The following SLC6A15 variants were observed in gnomAD, a reference collection of about 807,000 sequenced individuals.
SLC6A15 encodes sodium-dependent neutral amino acid transporter B(0)AT2.
SLC6A15 carries 33 observed loss-of-function variants against 68.5 expected under a neutral mutation model. The ratio of observed to expected loss-of-function variants is 0.48; its 90% CI spans 0.37 to 0.64. SLC6A15 has a LOEUF of 0.64. Ranked by LOEUF, SLC6A15 falls within the 30% of genes least tolerant of loss-of-function variation. SLC6A15 has a pLI of 0.00. For missense variants in SLC6A15, 747 were observed against 874.3 expected (o/e 0.85, Z 1.84); for synonymous variants, 347 against 301.0 (o/e 1.15, Z -1.58).
Position 84,870,478 on chromosome 12 carries a change from C to T in SLC6A15, c.1495G>A (p.Val499Ile). The part of the protein sequence containing the change: ...TFKVRKEILT[V>I]ICCLLAFCIG... ...GAAAAGTCAAATACAAAAAACTCAC[C>T]AGTAAGAATTTCTTTCCTCACTTTG... Residue 499 changes from valine (V) to isoleucine (I), a missense_variant and splice_region_variant, in exon 9 of 12, where the codon GTT (valine) becomes ATT (isoleucine). Transcript: ENST00000266682. 1 of 1,528,894 alleles carries T rather than the reference C, an allele frequency of 6.5e-7. No individual in the cohort carries two copies. The highest frequency in any genetic ancestry group is 8.8e-7 in the Non-Finnish European group (1 of 1,137,836). 94.7% of individuals were successfully genotyped at this position (1,528,894 alleles called of 1,614,324 possible).
chr12:84,901,713 A>T (rs77180770), intron 1 of SLC6A15, among the ~76,000 whole-genome samples: 6,122 of 151,924 alleles, frequency 0.04, 202 homozygotes, highest in Non-Finnish European at 0.058. Context: ...TGACTCAAAC[A>T]TATATATCTG....
chr12:84,881,522 T>C (rs1174109563), intron 5 of SLC6A15: 1 of 985,284 alleles, frequency 1.0e-6, no homozygotes, highest in East Asian at 1.1e-4. Context: ...CCAACTGATA[T>C]GTGCCTACCT....
chr12:84,905,910 A>G (rs1303936720), intron 1 of SLC6A15, among the ~76,000 whole-genome samples: 2 of 152,218 alleles, frequency 1.3e-5, no homozygotes, highest in Non-Finnish European at 2.9e-5. Flanking sequence ...ACTGTGCTCC[A>G]GTCCCCAGGC....
At position 84,861,843 on chromosome 12, in the gene SLC6A15, C is replaced by T. The variant is rs1324509653; in HGVS notation, c.1982G>A (p.Arg661Lys). The change falls in exon 12 of 12, where the codon AGG becomes AAG. Residue 661 changes from arginine to lysine, a missense_variant. Transcript: ENST00000266682. ...NLASVTYKRGRVLKEPVNLEG... is the reference protein window; with the variant it reads ...NLASVTYKRGKVLKEPVNLEG... ...TAAGTTCACAGGCTCTTTCAGGACC[C>T]TTCCTCTCTTATAGGTCACAGATGC... 6.2e-7 allele frequency: 1 copy of T among 1,613,918 alleles called. No homozygotes were observed. Among genetic ancestry groups the T allele is most frequent in the Admixed American group, 1.7e-5 (1 of 59,958 alleles).
intron 6 of SLC6A15, among the ~76,000 whole-genome samples, chr12:84,873,958 CAGATATTTCATGT>C (rs1871403832): frequency 6.6e-6 from 1 of 152,124 alleles, no homozygotes; most frequent in Admixed American, 6.6e-5. Flanking sequence ...AAATATTGAA[CAGATATTTCATGT>C]AGTTGTGCTT....
rs1328202209 is a variant in SLC6A15 at position 84,861,523 on chromosome 12, G to A, written c.*109C>T. The A allele has an allele frequency of 1.1e-5, 14 of 1,255,296 alleles. No homozygotes were observed. Among genetic ancestry groups the A allele is most frequent in the African/African-American group, 6.0e-5 (4 of 66,356 alleles). 77.8% of individuals were successfully genotyped at this position (1,255,296 alleles called of 1,614,324 possible). On this transcript the variant is annotated 3_prime_UTR_variant, in exon 12 of 12. Transcript: ENST00000266682. Reference sequence around the variant, plus strand: ...TGTTAGGATTAAAGATCACAGCCACGGAACACCTGAGATTGCCCTCTGATA... The same window carrying A: ...TGTTAGGATTAAAGATCACAGCCACAGAACACCTGAGATTGCCCTCTGATA...
chr12:84,894,878 T>C lies in SLC6A15; in HGVS notation c.-188-2570A>G, dbSNP rs566629909. On this transcript the variant is annotated intron_variant, in intron 1 of 11. Transcript: ENST00000266682. ...TATTATATCATAAACACTTTGAATA[T>C]AAATAAATATATACTACAGATATCG... Among the ~76,000 whole-genome samples the C allele has an allele frequency of 6.6e-5, 10 of 152,162 alleles. No individual in the cohort carries two copies. In the South Asian group the frequency reaches 2.1e-3, roughly 31 times the overall value.
chr12:84,893,791 T>TG (rs1872526215), intron 1 of SLC6A15, among the ~76,000 whole-genome samples: 1 of 152,180 alleles, frequency 6.6e-6, no homozygotes, highest in South Asian at 2.1e-4. Flanking sequence ...TAGGTTGGGA[T>TG]GATGTTTAGT....
intron 10 of SLC6A15, among the ~76,000 whole-genome samples, chr12:84,866,284 C>T (rs1871061430): frequency 1.3e-5 from 2 of 152,056 alleles, no homozygotes; most frequent in Non-Finnish European, 2.9e-5. Flanking sequence ...GGTCTTTTTC[C>T]CTTGAGAGAA....
chr12:84,860,785 A>G lies in SLC6A15; in HGVS notation c.*847T>C, dbSNP rs1388894735. The G allele has an allele frequency of 6.6e-6, 1 of 152,200 alleles. No homozygotes were observed. Among genetic ancestry groups the G allele is most frequent in the Non-Finnish European group, 1.5e-5 (1 of 68,020 alleles). The allele number at this position is 152,200 out of a possible 1,614,324, so 9.4% of individuals were successfully genotyped here. ...TTAATTAAAATGCCATCTTGCTTCA[A>G]GTTTTCAAATTAGTACTTTAAGTAC... On this transcript the variant is annotated 3_prime_UTR_variant, in exon 12 of 12. Transcript: ENST00000266682.
chr12:84,883,189 T>C, intron 5 of SLC6A15: 1 of 982,762 alleles, frequency 1.0e-6, no homozygotes, highest in Non-Finnish European at 1.2e-6. Context: ...AGCAAAATAG[T>C]GAATAGCAAT....
Position 84,863,482 on chromosome 12 carries a change from A to C in SLC6A15, c.1775T>G (p.Met592Arg). Reference sequence around the variant, plus strand: ...GTTATAGCCAGGAGGACTTAATCCCATATTCACAACACTAGCTATTAGCAA... The same window carrying C: ...GTTATAGCCAGGAGGACTTAATCCCCTATTCACAACACTAGCTATTAGCAA... ...LSLLIASVVN[M>R]GLSPPGYNAW... The change falls in exon 11 of 12, where the codon ATG (methionine) becomes AGG (arginine). Residue 592 changes from methionine to arginine, a missense_variant. Coordinates refer to ENST00000266682, the MANE Select transcript of SLC6A15 (RefSeq NM_182767.6). 1 of 1,591,948 alleles carries C rather than the reference A, an allele frequency of 6.3e-7. No homozygotes were observed. The highest frequency in any genetic ancestry group is 8.5e-7 in the Non-Finnish European group (1 of 1,172,188).
In SLC6A15 at chr12:84,870,407, A is replaced by T. The variant is rs1592594267; in HGVS notation, c.1495+71T>A. ...CAAAATATAAGACTTTCCACTTTTC[A>T]TCTCTAATCTTTCACCAAGAATAAA... On this transcript the variant is annotated intron_variant, in intron 9 of 11. Coordinates refer to ENST00000266682, the MANE Select transcript of SLC6A15 (RefSeq NM_182767.6). 11 of 1,102,990 alleles carry T rather than the reference A, an allele frequency of 1.0e-5. No homozygotes were observed. In the East Asian group the frequency reaches 2.7e-4, roughly 27 times the overall value. 68.3% of individuals were successfully genotyped at this position (1,102,990 alleles called of 1,614,324 possible).
intron 1 of SLC6A15, among the ~76,000 whole-genome samples, chr12:84,909,789 T>G (rs2120752463): frequency 6.6e-6 from 1 of 152,334 alleles, no homozygotes; most frequent in South Asian, 2.1e-4. Context: ...CCAAGCTCTC[T>G]TTTGGGTCTG....
chr12:84,867,293 A>G, intron 9 of SLC6A15, 100 bp from the exon 10 acceptor site: 5 of 994,334 alleles, frequency 5.0e-6, no homozygotes, highest in Non-Finnish European at 7.0e-6. Context: ...AAACTTTTAT[A>G]ACATGTCCAT....
chr12:84,898,211 T>C (rs763582711), intron 1 of SLC6A15, among the ~76,000 whole-genome samples: 5 of 152,098 alleles, frequency 3.3e-5, no homozygotes, highest in Non-Finnish European at 5.9e-5. Flanking sequence ...CCTGGTGGCA[T>C]GCACCTTTAG....
At chr12:84,885,042 A>T (rs1194605145) in intron 4 of SLC6A15, among the ~76,000 whole-genome samples, 1 of 151,940 alleles carries the variant, frequency 6.6e-6, no homozygotes, top group Non-Finnish European at 1.5e-5. Context: ...TGATGGGAAA[A>T]GTATGAAACA....
At chr12:84,899,301 G>A (rs1187677298) in intron 1 of SLC6A15, among the ~76,000 whole-genome samples, 1 of 151,972 alleles carries the variant, frequency 6.6e-6, no homozygotes, top group Non-Finnish European at 1.5e-5. Context: ...AAACCCTACT[G>A]CAAAAGGCAT....
chr12:84,867,308 T>G, intron 9 of SLC6A15, 115 bp from the exon 10 acceptor site: 1 of 836,326 alleles, frequency 1.2e-6, no homozygotes, highest in Non-Finnish European at 1.7e-6. Context: ...GTCCATCATA[T>G]AAACAGGCAA....
Sources: gnomAD v4.1 joint callset for allele counts (sites outside exome capture counted in the v4.1 genomes callset) on GRCh38, gnomAD v4.1.1 for gene constraint, MANE v1.5 for transcripts, NCBI Gene and HGNC (gene_info 2026-07-23, HGNC 2026-07-21) for gene names.